Variants in MAP2K4 observed in about 807,000 individuals in gnomAD.
MAP2K4 encodes dual specificity mitogen-activated protein kinase kinase 4.
Under a neutral mutation model 48.5 loss-of-function variants are expected in MAP2K4, and 4 were observed. The observed-to-expected ratio is 0.08, with a 90% CI of 0.04 to 0.19. The LOEUF (loss-of-function observed/expected upper bound fraction) is 0.19, where lower values mean the gene tolerates loss of function less well. Among genes scored for constraint, MAP2K4 ranks in the 10% least tolerant of loss-of-function variants. The pLI, the probability that MAP2K4 is intolerant of heterozygous loss-of-function variation, is 1.00. For missense variants in MAP2K4, 258 were observed against 493.3 expected (o/e 0.52, Z 4.52); for synonymous variants, 166 against 173.1 (o/e 0.96, Z 0.32).
intron 4 of MAP2K4, among the ~76,000 whole-genome samples, chr17:12,099,996 T>G (rs1971886091): frequency 6.6e-6 from 1 of 152,188 alleles, no homozygotes; most frequent in African/African-American, 2.4e-5. Flanking sequence ...TCCCCCTTTT[T>G]TATCCTTACT....
At chr17:12,135,365 C>T (rs904052894) in intron 9 of MAP2K4, among the ~76,000 whole-genome samples, 11 of 150,706 alleles carry the variant, frequency 7.3e-5, no homozygotes, top group East Asian at 4.0e-4. Context: ...ATTACAGGCG[C>T]GAGCCACTGC....
chr17:12,110,148 G>A (rs537799061), intron 5 of MAP2K4, among the ~76,000 whole-genome samples: 1 of 152,194 alleles, frequency 6.6e-6, no homozygotes, highest in Admixed American at 6.5e-5. Context: ...CTAAGTTACT[G>A]GGTTTTTTGT....
chr17:12,095,534 A>AT (rs1475814828), intron 3 of MAP2K4, 41 bp from the exon 4 acceptor site: 1 of 1,611,622 alleles, frequency 6.2e-7, no homozygotes, highest in South Asian at 1.1e-5. Context: ...TTTTGACAAA[A>AT]TTATTGTGTT....
Position 12,021,304 on chromosome 17 carries a change from C to T in MAP2K4, c.115+303C>T, listed in dbSNP as rs574228829. On this transcript the variant is annotated intron_variant, in intron 1 of 10. Transcript: ENST00000353533. The stretch of plus-strand genomic sequence containing the variant: ...CCGGGACCGCCCCCGCGGCCGTCCC[C>T]ATCGCCCCCGCCGCTTACCTGGCGC... 1.4e-3 allele frequency: 276 copies of T among 197,836 alleles called. 1 individual carries two copies. Among genetic ancestry groups the T allele is most frequent in the African/African-American group, 6.1e-3 (261 of 42,900 alleles). The allele number at this position is 197,836 out of a possible 1,614,324, so 12.3% of individuals were successfully genotyped here. A position where few individuals can be genotyped will look rare whatever the true frequency, so the allele number is the denominator to read the frequency against.
intron 6 of MAP2K4, 188 bp from the exon 7 acceptor site, chr17:12,113,045 G>A: frequency 2.1e-6 from 1 of 470,850 alleles, no homozygotes; most frequent in South Asian, 3.8e-5. Context: ...AGTTATTAAA[G>A]CTACATGTTT....
rs529725574 is a variant in MAP2K4 at position 12,133,630 on chromosome 17, T to C, written c.1040+4343T>C. On this transcript the variant is annotated intron_variant, in intron 9 of 10. Transcript: ENST00000353533. ...AATTTTTTTTAGGGGAAAAATTCTT[T>C]ATTTGTCCTGGGGGAAGAAAAAACA... Among the ~76,000 whole-genome samples, 4 of 152,304 alleles carry C rather than the reference T, an allele frequency of 2.6e-5. No individual in the cohort carries two copies. In the East Asian group the frequency reaches 7.7e-4, roughly 29 times the overall value.
intron 2 of MAP2K4, among the ~76,000 whole-genome samples, chr17:12,075,548 C>G (rs1328855677): frequency 6.6e-6 from 1 of 152,118 alleles, no homozygotes; most frequent in African/African-American, 2.4e-5. Flanking sequence ...AAAACAAACA[C>G]CTGGGCCAGG....
intron 2 of MAP2K4, among the ~76,000 whole-genome samples, chr17:12,064,732 A>C (rs1970558804): frequency 6.6e-6 from 1 of 152,220 alleles, no homozygotes; most frequent in African/African-American, 2.4e-5. Flanking sequence ...CCTAAGATGA[A>C]AATACTCTCA....
intron 1 of MAP2K4, among the ~76,000 whole-genome samples, chr17:12,031,245 C>T (rs1157194827): frequency 6.6e-6 from 1 of 152,192 alleles, no homozygotes; most frequent in Non-Finnish European, 1.5e-5. Context: ...AAAGTAGCTA[C>T]ATTAGCATTT....
Position 12,052,967 on chromosome 17 carries a change from C to G in MAP2K4, c.116-1922C>G, listed in dbSNP as rs767876128. Among the ~76,000 whole-genome samples, 14 of 152,182 alleles carry G rather than the reference C, an allele frequency of 9.2e-5. No homozygotes were observed. In the South Asian group the frequency reaches 2.1e-3, roughly 23 times the overall value. ...GCGTCTCCAAAATTTTGACTCATTACAGTATTAACTCAAATGTAAATCTCA... is the reference window on the plus strand; with the variant it reads ...GCGTCTCCAAAATTTTGACTCATTAGAGTATTAACTCAAATGTAAATCTCA... On this transcript the variant is annotated intron_variant, in intron 1 of 10. Transcript: ENST00000353533.
chr17:12,089,596 C>T (rs1409221291), intron 3 of MAP2K4, among the ~76,000 whole-genome samples: 8 of 152,166 alleles, frequency 5.3e-5, no homozygotes, highest in Non-Finnish European at 1.2e-4. Flanking sequence ...GAATACTCTA[C>T]CTATTCCTAA....
intron 1 of MAP2K4, among the ~76,000 whole-genome samples, chr17:12,053,348 AT>A (rs1027404302): frequency 6.6e-6 from 1 of 151,976 alleles, no homozygotes; most frequent in African/African-American, 2.4e-5. Context: ...AAAGCTTAAA[AT>A]GTTTTTGGTG....
chr17:12,080,736 A>G (rs1220996116), intron 2 of MAP2K4, among the ~76,000 whole-genome samples: 1 of 152,226 alleles, frequency 6.6e-6, no homozygotes. Context: ...CTAAGGCACT[A>G]GTTCCCAAAC....
intron 2 of MAP2K4, among the ~76,000 whole-genome samples, chr17:12,065,244 T>C (rs1424604381): frequency 7.1e-6 from 1 of 141,720 alleles, no homozygotes; most frequent in Non-Finnish European, 1.5e-5. Flanking sequence ...ACAATAACAA[T>C]TATATATATA....
At chr17:12,100,075 T>C (rs1188004679) in intron 4 of MAP2K4, among the ~76,000 whole-genome samples, 2 of 152,168 alleles carry the variant, frequency 1.3e-5, no homozygotes, top group African/African-American at 2.4e-5. Context: ...GGAGGTAAAA[T>C]TGACATCTGA....
intron 5 of MAP2K4, 82 bp downstream of exon 5, chr17:12,107,991 G>C: frequency 8.1e-7 from 1 of 1,242,158 alleles, no homozygotes; most frequent in Middle Eastern, 2.0e-4. Flanking sequence ...ACATATTTGA[G>C]TGTCACTCAC....
intron 9 of MAP2K4, among the ~76,000 whole-genome samples, chr17:12,136,039 A>G (rs1212804779): frequency 2.0e-5 from 3 of 152,222 alleles, no homozygotes; most frequent in African/African-American, 7.2e-5. Flanking sequence ...TACTTAGAGA[A>G]TTTAATTTTA....
chr17:12,068,751 A>T (rs1402980678), intron 2 of MAP2K4, among the ~76,000 whole-genome samples: 2 of 150,166 alleles, frequency 1.3e-5, no homozygotes, highest in African/African-American at 4.9e-5. Flanking sequence ...ACATATATAT[A>T]TTATATATAT....
At chr17:12,132,974 T>A (rs1241233828) in intron 9 of MAP2K4, among the ~76,000 whole-genome samples, 1 of 152,232 alleles carries the variant, frequency 6.6e-6, no homozygotes, top group Non-Finnish European at 1.5e-5. Flanking sequence ...TCTGGAGATG[T>A]ATAGAAATTC....
Sources: allele counts gnomAD v4.1 joint callset (sites outside exome capture counted in the v4.1 genomes callset), GRCh38; gene constraint gnomAD v4.1.1; transcripts MANE v1.5; gene names NCBI Gene and HGNC (gene_info 2026-07-23, HGNC 2026-07-21).